The following PLCB1 variants were observed in gnomAD, a reference collection of about 807,000 sequenced individuals.
PLCB1 encodes the protein phospholipase C beta 1, also known as 1-phosphatidylinositol 4,5-bisphosphate phosphodiesterase beta-1.
Under a neutral mutation model 161.8 loss-of-function variants are expected in PLCB1, and 46 were observed. The observed-to-expected ratio is 0.28, with a 90% CI of 0.22 to 0.36. The LOEUF is 0.36. PLCB1 is among the 10% of genes least tolerant of loss of function. PLCB1 has a pLI of 1.00. For missense variants in PLCB1, 1,016 were observed against 1,472.5 expected, an observed-to-expected ratio of 0.69 and a Z score of 5.07; for synonymous variants, 517 against 503.7, an observed-to-expected ratio of 1.03 and a Z score of -0.35.
rs79369155 is a variant in PLCB1 at position 8,205,722 on chromosome 20, C to T, written c.177+55351C>T. On this transcript the variant is annotated intron_variant, in intron 2 of 31. Transcript: ENST00000338037. ...TATTTGCAAAAGAGGGAAACTACAC[C>T]GTTAGAGATACATTCTGAATTATTT... is the stretch of plus-strand genomic sequence containing the variant. 9.2e-5 allele frequency among the ~76,000 whole-genome samples: 14 copies of T among 151,990 alleles called. No individual in the cohort carries two copies. The East Asian group carries it at 2.3e-3, about 25-fold the overall frequency.
chr20:8,740,922 G>C (rs1331008033), intron 22 of PLCB1, among the ~76,000 whole-genome samples: 1 of 152,180 alleles, frequency 6.6e-6, no homozygotes, highest in Non-Finnish European at 1.5e-5. Context: ...GGTAAGCTTG[G>C]GGCTGTCCAT....
intron 9 of PLCB1, among the ~76,000 whole-genome samples, chr20:8,661,140 A>G (rs750686584): frequency 6.6e-6 from 1 of 151,986 alleles, no homozygotes; most frequent in Non-Finnish European, 1.5e-5. Context: ...GTCGTTGTCC[A>G]TTTTTTCTAG....
intron 3 of PLCB1, among the ~76,000 whole-genome samples, chr20:8,382,023 T>A (rs1987269533): frequency 1.3e-5 from 2 of 152,178 alleles, no homozygotes; most frequent in Non-Finnish European, 2.9e-5. Flanking sequence ...CTTGCTTCTA[T>A]AACTCTTTTA....
At chr20:8,192,030 G>A (rs1422527280) in intron 2 of PLCB1, among the ~76,000 whole-genome samples, 1 of 151,926 alleles carries the variant, frequency 6.6e-6, no homozygotes, top group Non-Finnish European at 1.5e-5. Context: ...AATATAGTTA[G>A]GATACAATAA....
chr20:8,669,100 C>T (rs1056449286), intron 9 of PLCB1, among the ~76,000 whole-genome samples: 2 of 152,174 alleles, frequency 1.3e-5, no homozygotes, highest in Non-Finnish European at 2.9e-5. Context: ...ATTCTAATAT[C>T]ACAAATAATT....
At chr20:8,758,145 G>C (rs1045984760) in intron 24 of PLCB1, among the ~76,000 whole-genome samples, 33 of 150,612 alleles carry the variant, frequency 2.2e-4, no homozygotes, top group Admixed American at 6.0e-4. Context: ...GGTGTGGAAA[G>C]GAGCTCCTTT....
intron 3 of PLCB1, among the ~76,000 whole-genome samples, chr20:8,379,770 A>T (rs1240770929): frequency 1.3e-5 from 2 of 151,952 alleles, no homozygotes; most frequent in Non-Finnish European, 2.9e-5. Flanking sequence ...GTGTCTGTTC[A>T]TATCCTTTGC....
chr20:8,567,582 A>G (rs1986377654), intron 3 of PLCB1, among the ~76,000 whole-genome samples: 1 of 152,050 alleles, frequency 6.6e-6, no homozygotes. Flanking sequence ...TGCATATAAA[A>G]CCAATGTCAC....
intron 2 of PLCB1, among the ~76,000 whole-genome samples, chr20:8,316,547 G>A (rs1283262462): frequency 6.6e-6 from 1 of 152,128 alleles, no homozygotes; most frequent in East Asian, 1.9e-4. Flanking sequence ...GATTGGCCGA[G>A]ACTTCTATGG....
At chr20:8,285,739 T>C (rs1436455860) in intron 2 of PLCB1, among the ~76,000 whole-genome samples, 2 of 152,274 alleles carry the variant, frequency 1.3e-5, no homozygotes, top group East Asian at 1.9e-4. Context: ...CTTCATAAGA[T>C]AGAGCAACCT....
intron 25 of PLCB1, among the ~76,000 whole-genome samples, chr20:8,761,891 T>C (rs1269376968): frequency 6.8e-6 from 1 of 146,416 alleles, no homozygotes; most frequent in Non-Finnish European, 1.5e-5. Context: ...ACTGTGCCCC[T>C]CCCAACAAAA....
intron 1 of PLCB1, among the ~76,000 whole-genome samples, chr20:8,148,677 C>A (rs6055570): frequency 0.4 from 61,439 of 152,004 alleles, 12,456 homozygotes; most frequent in Middle Eastern, 0.45. Flanking sequence ...AATGGATAAA[C>A]AAGACATGGC....
chr20:8,490,871 TATATATGTACAC>T (rs1247191896), intron 3 of PLCB1, among the ~76,000 whole-genome samples: 1 of 148,832 alleles, frequency 6.7e-6, no homozygotes, highest in African/African-American at 2.5e-5. Flanking sequence ...CATATATATA[TATATATGTACAC>T]ATATCTATAT....
At position 8,765,804 on chromosome 20, in the gene PLCB1, C is replaced by T. The variant is rs565916243; in HGVS notation, c.2930+446C>T. ...CAGAGTTTAAGTGATTCTTGTGCCT[C>T]AGCCTCCCAAGAAGCTGGGATTACG... On this transcript the variant is annotated intron_variant, in intron 26 of 31. Coordinates refer to ENST00000338037, the MANE Select transcript of PLCB1 (RefSeq NM_015192.4). Among the ~76,000 whole-genome samples, 134 of 152,080 alleles carry T rather than the reference C, an allele frequency of 8.8e-4. 1 individual carries two copies. Among genetic ancestry groups the T allele is most frequent in the Non-Finnish European group, 1.6e-3 (107 of 68,032 alleles).
intron 2 of PLCB1, among the ~76,000 whole-genome samples, chr20:8,258,913 A>G (rs1432490363): frequency 6.6e-6 from 1 of 152,166 alleles, no homozygotes; most frequent in African/African-American, 2.4e-5. Context: ...GTCAAGATAT[A>G]CGACAGTTCT....
intron 3 of PLCB1, among the ~76,000 whole-genome samples, chr20:8,403,075 T>A (rs1321703947): frequency 6.6e-6 from 1 of 152,216 alleles, no homozygotes; most frequent in Non-Finnish European, 1.5e-5. Flanking sequence ...GATTCTAAAC[T>A]CTTTGTGAGT....
intron 2 of PLCB1, among the ~76,000 whole-genome samples, chr20:8,231,046 C>T (rs1980004593): frequency 6.6e-6 from 1 of 152,128 alleles, no homozygotes; most frequent in African/African-American, 2.4e-5. Context: ...TAATCTTCAA[C>T]TAATCTCTGT....
chr20:8,832,529 T>G (rs1986062041), intron 31 of PLCB1, among the ~76,000 whole-genome samples: 1 of 152,348 alleles, frequency 6.6e-6, no homozygotes, highest in South Asian at 2.1e-4. Flanking sequence ...CTTAAGAAAT[T>G]GCTTAAGAGA....
At chr20:8,256,264 A>G (rs1411256915) in intron 2 of PLCB1, among the ~76,000 whole-genome samples, 1 of 152,126 alleles carries the variant, frequency 6.6e-6, no homozygotes, top group East Asian at 1.9e-4. Context: ...TGCCAATTCT[A>G]TGAGTTAGCA....
Sources: allele counts gnomAD v4.1 joint callset (sites outside exome capture counted in the v4.1 genomes callset), GRCh38; gene constraint gnomAD v4.1.1; transcripts MANE v1.5; gene names NCBI Gene and HGNC (gene_info 2026-07-23, HGNC 2026-07-21).